Variants in DMD observed in about 807,000 individuals in gnomAD.
DMD encodes the protein mutant dystrophin.
A neutral mutation model predicts 330.1 loss-of-function variants in DMD; 63 were observed. That is an observed-to-expected ratio of 0.19 (90% CI 0.16 to 0.24). The LOEUF (loss-of-function observed/expected upper bound fraction) is 0.24. Among genes scored for constraint, DMD ranks in the 10% least tolerant of loss-of-function variants. The pLI is 1.00. For missense variants in DMD, 3,344 were observed against 2,684.1 expected, an observed-to-expected ratio of 1.25 and a Z score of -5.43; for synonymous variants, 1,223 against 959.8, an observed-to-expected ratio of 1.27 and a Z score of -5.07.
intron 2 of DMD, among the ~76,000 whole-genome samples, chrX:32,859,505 A>ACACACG (rs1557094186): frequency 1.5e-4 from 14 of 90,600 alleles, no homozygotes; most frequent in African/African-American, 6.8e-4. Context: ...ACACACACAC[A>ACACACG]CACACAAGTT....
intron 44 of DMD, among the ~76,000 whole-genome samples, chrX:32,189,695 C>A (rs1334483026): frequency 9.1e-6 from 1 of 109,912 alleles, no homozygotes; most frequent in East Asian, 2.9e-4. Flanking sequence ...ATGGGACTTT[C>A]CAGCCCCATT....
chrX:31,147,491 T>C lies in DMD; in HGVS notation c.10581A>G (p.Leu3527=). 1 of 1,200,825 alleles carries C rather than the reference T, an allele frequency of 8.3e-7. No homozygotes were observed. Among genetic ancestry groups the C allele is most frequent in the Non-Finnish European group, 1.1e-6 (1 of 889,012 alleles). Residue 3527 remains leucine (L), a synonymous_variant, in exon 75 of 79, where the codon CTA becomes CTG. Coordinates refer to ENST00000357033, the MANE Select transcript of DMD (RefSeq NM_004006.3). ...NRNLQAEYDR[L]KQQHEHKGLS... ...GGCCTTTATGTTCGTGCTGCTGCTT[T>C]AGACGGTCATATTCTGCTTGCAGAT...
At chrX:32,050,974 CTT>C (rs761835866) in intron 44 of DMD, among the ~76,000 whole-genome samples, 1 of 78,148 alleles carries the variant, frequency 1.3e-5, no homozygotes, top group Non-Finnish European at 2.3e-5. Flanking sequence ...CTAACTTCCT[CTT>C]TTTTTTTTTT....
intron 7 of DMD, among the ~76,000 whole-genome samples, chrX:32,783,722 C>T (rs1231984489): frequency 9.0e-6 from 1 of 110,726 alleles, no homozygotes; most frequent in Non-Finnish European, 1.9e-5. Flanking sequence ...GGAGGATGTG[C>T]ATAGGTTATA....
intron 32 of DMD, among the ~76,000 whole-genome samples, chrX:32,387,573 T>C (rs1289284569): frequency 9.0e-6 from 1 of 111,488 alleles, no homozygotes; most frequent in Non-Finnish European, 1.9e-5. Flanking sequence ...TTGTAAAGGC[T>C]GGACAATTAT....
At chrX:32,034,765 G>A (rs887437879) in intron 44 of DMD, among the ~76,000 whole-genome samples, 5 of 111,417 alleles carry the variant, frequency 4.5e-5, no homozygotes, top group Non-Finnish European at 7.6e-5. Flanking sequence ...AAAAGCCAGC[G>A]TTACTGCCCA....
Position 32,828,581 on chromosome X carries a change from CTATACATCTATACACATATATACATATG to C in DMD, c.265-5222_265-5195del, listed in dbSNP as rs1221041816. 1.5e-3 allele frequency among the ~76,000 whole-genome samples: 153 copies of C among 103,697 alleles called. 2 individuals are homozygous for C. The highest frequency in any genetic ancestry group is 4.1e-3 in the Admixed American group (40 of 9,869). 90.0% of individuals were successfully genotyped at this position (103,697 alleles called of 115,157 possible). Reference sequence around the variant, plus strand: ...TATCTACACATATACACATATATATCTATACATCTATACACATATATACATATGTATACATCTATACACATATATACAT... The same window carrying C: ...TATCTACACATATACACATATATATCTATACATCTATACACATATATACAT... On this transcript the variant is annotated intron_variant, in intron 4 of 78. Coordinates refer to ENST00000357033, the MANE Select transcript of DMD (RefSeq NM_004006.3).
At chrX:32,306,095 T>A (rs1183162506) in intron 42 of DMD, among the ~76,000 whole-genome samples, 1 of 109,908 alleles carries the variant, frequency 9.1e-6, no homozygotes, top group African/African-American at 3.3e-5. Context: ...ACGCAATATT[T>A]ACTTATCATT....
chrX:32,657,476 T>A (rs748331192), intron 9 of DMD, among the ~76,000 whole-genome samples: 5 of 111,711 alleles, frequency 4.5e-5, no homozygotes, highest in African/African-American at 1.6e-4. Flanking sequence ...ACAAACACCC[T>A]AAAAGGGGGG....
At chrX:32,361,148 G>T (rs1005105816) in intron 37 of DMD, among the ~76,000 whole-genome samples, 3 of 111,406 alleles carry the variant, frequency 2.7e-5, no homozygotes, top group Non-Finnish European at 5.6e-5. Context: ...GCATGTGTGT[G>T]TGTCTATATC....
At chrX:32,969,820 G>A (rs1324148196) in intron 2 of DMD, among the ~76,000 whole-genome samples, 1 of 94,268 alleles carries the variant, frequency 1.1e-5, no homozygotes, top group Non-Finnish European at 2.0e-5. Flanking sequence ...AAGGGCACAG[G>A]CATGGACTAC....
chrX:32,002,875 T>C (rs1216945953), intron 44 of DMD, among the ~76,000 whole-genome samples: 1 of 111,653 alleles, frequency 9.0e-6, no homozygotes. Flanking sequence ...ATATATATGG[T>C]AAGCCCCAAA....
chrX:32,948,113 G>GACACACACACACACACAC lies in DMD; in HGVS notation c.93+72008_93+72025dup, dbSNP rs3083093. 1.0e-3 allele frequency among the ~76,000 whole-genome samples: 99 copies of GACACACACACACACACAC among 95,979 alleles called. 1 individual carries two copies. The East Asian group carries it at 0.019, about 19-fold the overall frequency. 83.3% of individuals were successfully genotyped at this position (95,979 alleles called of 115,157 possible). On this transcript the variant is annotated intron_variant, in intron 2 of 78. Transcript: ENST00000357033. ...CTCAAAATTGACAGTGAGAGAAACA[G>GACACACACACACACACAC]ACACACACACACACACACACACACA...
At chrX:31,446,293 A>AGGGGG (rs1294427205) in intron 59 of DMD, among the ~76,000 whole-genome samples, 1 of 112,259 alleles carries the variant, frequency 8.9e-6, no homozygotes, top group African/African-American at 3.2e-5. Context: ...TTAAGCAATC[A>AGGGGG]GGGGGTTTCT....
chrX:33,066,910 A>AT lies in DMD; in HGVS notation c.32-46711dup, dbSNP rs1257913100. ...CCTGCCTGATACAACCAGAAGGAAG[A>AT]TTGACAATACAACATGAAAAGTCAC... On this transcript the variant is annotated intron_variant, in intron 1 of 78. Transcript: ENST00000357033. Among the ~76,000 whole-genome samples the AT allele has an allele frequency of 1.8e-5, 2 of 112,224 alleles. 1 individual carries two copies. Among genetic ancestry groups the AT allele is most frequent in the Non-Finnish European group, 3.8e-5 (2 of 53,313 alleles).
intron 2 of DMD, among the ~76,000 whole-genome samples, chrX:32,980,446 T>C (rs1344788105): frequency 4.7e-5 from 5 of 105,415 alleles, no homozygotes; most frequent in African/African-American, 1.4e-4. Flanking sequence ...TACAATAAGA[T>C]AGACAAATGC....
intron 7 of DMD, among the ~76,000 whole-genome samples, chrX:32,787,833 G>A (rs2075521314): frequency 1.8e-5 from 2 of 110,009 alleles, no homozygotes; most frequent in South Asian, 7.9e-4. Context: ...TATTCTAGAG[G>A]CAGGCAAAAT....
intron 13 of DMD, among the ~76,000 whole-genome samples, chrX:32,578,157 T>A (rs1280368889): frequency 1.8e-5 from 2 of 111,170 alleles, no homozygotes; most frequent in Non-Finnish European, 3.8e-5. Flanking sequence ...ATATATTTTT[T>A]AAAGAACCAC....
rs77161505 is a variant in DMD at position 32,835,041 on chromosome X, C to CA, written c.264+9741dup. ...GTAATTTCTAAGTTCCTTTACCAGA[C>CA]AAAAAATTAATCATTAAACTAGACA... On this transcript the variant is annotated intron_variant, in intron 4 of 78. Transcript: ENST00000357033. 5.9e-4 allele frequency among the ~76,000 whole-genome samples: 66 copies of CA among 111,043 alleles called. 1 individual carries two copies. The highest frequency in any genetic ancestry group is 1.7e-3 in the African/African-American group (52 of 30,642).
Sources: gnomAD v4.1 joint callset for allele counts (sites outside exome capture counted in the v4.1 genomes callset) on GRCh38, gnomAD v4.1.1 for gene constraint, MANE v1.5 for transcripts, NCBI Gene and HGNC (gene_info 2026-07-23, HGNC 2026-07-21) for gene names.